LOC128462377: variants seen among roughly 807,000 people sequenced by gnomAD.
the LOC128462377 span, among the ~76,000 whole-genome samples, chr16:89,378,739 C>G: frequency 2.6e-5 from 4 of 152,202 alleles, no homozygotes; most frequent in Admixed American, 2.6e-4. Context: ...GCCACCATGC[C>G]TGGCTAATTT....
chr16:89,329,700 A>G, the LOC128462377 span, among the ~76,000 whole-genome samples: 1 of 152,240 alleles, frequency 6.6e-6, no homozygotes, highest in Non-Finnish European at 1.5e-5. Context: ...CTTTGGAATC[A>G]TGCATTTTAC....
At chr16:89,328,246 G>C in the LOC128462377 span, among the ~76,000 whole-genome samples, 3 of 152,202 alleles carry the variant, frequency 2.0e-5, no homozygotes, top group Non-Finnish European at 4.4e-5. Flanking sequence ...CGCTTGCTGT[G>C]GGAACGCAAA....
chr16:89,361,844 C>CA, the LOC128462377 span, among the ~76,000 whole-genome samples: 7 of 152,030 alleles, frequency 4.6e-5, no homozygotes, highest in South Asian at 2.1e-4. Flanking sequence ...ACAAAACAAA[C>CA]AAAAAAAATC....
At chr16:89,320,100 G>C in the LOC128462377 span, 1 of 152,384 alleles carries the variant, frequency 6.6e-6, no homozygotes, top group Admixed American at 6.5e-5. Flanking sequence ...TGACTCATGG[G>C]TGTTGTCTGA....
At chr16:89,410,609 G>C in the LOC128462377 span, among the ~76,000 whole-genome samples, 1 of 152,210 alleles carries the variant, frequency 6.6e-6, no homozygotes, top group African/African-American at 2.4e-5. Context: ...CCCTAAAGCA[G>C]TTGCTATCCT....
chr16:89,407,545 G>A, the LOC128462377 span, among the ~76,000 whole-genome samples: 4 of 152,112 alleles, frequency 2.6e-5, no homozygotes, highest in African/African-American at 9.7e-5. Context: ...TCTGGGCCGC[G>A]CAACATGGCT....
the LOC128462377 span, among the ~76,000 whole-genome samples, chr16:89,388,619 G>C: frequency 6.6e-6 from 1 of 152,196 alleles, no homozygotes; most frequent in African/African-American, 2.4e-5. Flanking sequence ...TTGCACCTGA[G>C]AAGATGGGGC....
the LOC128462377 span, among the ~76,000 whole-genome samples, chr16:89,351,869 T>G: frequency 6.6e-6 from 1 of 152,170 alleles, no homozygotes; most frequent in South Asian, 2.1e-4. Context: ...ACTGTGCGCT[T>G]TATCTGGGTA....
At chr16:89,328,845 G>C in the LOC128462377 span, 1 of 126,694 alleles carries the variant, frequency 7.9e-6, no homozygotes, top group African/African-American at 3.2e-5. Context: ...ATACCCAGGA[G>C]CACGGGCGAA....
the LOC128462377 span, among the ~76,000 whole-genome samples, chr16:89,344,702 G>C: frequency 1.3e-5 from 2 of 152,096 alleles, no homozygotes; most frequent in African/African-American, 4.8e-5. Flanking sequence ...CTTCAGACTG[G>C]GAAGAACAAA....
chr16:89,353,066 G>A, the LOC128462377 span, among the ~76,000 whole-genome samples: 67 of 152,312 alleles, frequency 4.4e-4, no homozygotes, highest in African/African-American at 1.3e-3. Context: ...AGGGCTGGGC[G>A]CGGTGGCTCA....
At chr16:89,381,850 G>A in the LOC128462377 span, among the ~76,000 whole-genome samples, 1 of 152,198 alleles carries the variant, frequency 6.6e-6, no homozygotes, top group Admixed American at 6.5e-5. Flanking sequence ...AGACCCAGGA[G>A]GGCATAACTT....
At chr16:89,380,796 C>G in the LOC128462377 span, among the ~76,000 whole-genome samples, 2 of 152,244 alleles carry the variant, frequency 1.3e-5, no homozygotes, top group African/African-American at 4.8e-5. Context: ...GGCTGCGTAA[C>G]CACCACGAGC....
the LOC128462377 span, among the ~76,000 whole-genome samples, chr16:89,335,622 T>TCA: frequency 0.021 from 3,132 of 152,226 alleles, 49 homozygotes; most frequent in Middle Eastern, 0.051. Context: ...CAAAGCCCCG[T>TCA]CACACACACA....
chr16:89,320,719 C>T, the LOC128462377 span, among the ~76,000 whole-genome samples: 1 of 152,236 alleles, frequency 6.6e-6, no homozygotes, highest in Non-Finnish European at 1.5e-5. Flanking sequence ...CCTGGCAGCC[C>T]CGCATCTGTG....
At chr16:89,407,623 C>T in the LOC128462377 span, among the ~76,000 whole-genome samples, 1 of 152,162 alleles carries the variant, frequency 6.6e-6, no homozygotes, top group African/African-American at 2.4e-5. Context: ...GAGTTCAAGA[C>T]CAGCCTGAGT....
chr16:89,412,680 T>G, the LOC128462377 span: 1 of 152,008 alleles, frequency 6.6e-6, no homozygotes, highest in Non-Finnish European at 1.5e-5. Context: ...AGGCAAAATG[T>G]TTTTCACCCT....
the LOC128462377 span, among the ~76,000 whole-genome samples, chr16:89,335,295 G>T: frequency 6.6e-6 from 1 of 152,140 alleles, no homozygotes; most frequent in Non-Finnish European, 1.5e-5. Context: ...CCCAAGCAGG[G>T]GCTGCAACAG....
the LOC128462377 span, among the ~76,000 whole-genome samples, chr16:89,341,034 T>C: frequency 6.6e-6 from 1 of 152,220 alleles, no homozygotes; most frequent in Non-Finnish European, 1.5e-5. Flanking sequence ...TTTTAAAATA[T>C]AAATGGCTTC....
Sources: allele counts gnomAD v4.1 joint callset (sites outside exome capture counted in the v4.1 genomes callset), GRCh38; gene constraint gnomAD v4.1.1; transcripts MANE v1.5.